Variants in IFT140 observed in about 807,000 individuals in gnomAD.
IFT140 encodes the protein intraflagellar transport 140, also known as intraflagellar transport protein 140 homolog.
In IFT140, 133 loss-of-function variants were observed where a neutral mutation model predicts 164.6. The observed-to-expected ratio is 0.81, with a 90% CI of 0.70 to 0.93. The LOEUF (loss-of-function observed/expected upper bound fraction) is 0.93, where lower values mean the gene tolerates loss of function less well. IFT140 is among the 40% of genes least tolerant of loss of function. IFT140 has a pLI of 0.00. For missense variants in IFT140, 2,045 were observed against 1,972.3 expected, an observed-to-expected ratio of 1.04 and a Z score of -0.70; for synonymous variants, 860 against 817.3, an observed-to-expected ratio of 1.05 and a Z score of -0.89.
At position 1,584,381 on chromosome 16, in the gene IFT140, T is replaced by C; in HGVS notation, c.1195A>G (p.Ile399Val). 1 of 1,612,434 alleles carries C rather than the reference T, an allele frequency of 6.2e-7. No homozygotes were observed. Among genetic ancestry groups the C allele is most frequent in the Non-Finnish European group, 8.5e-7 (1 of 1,179,520 alleles). The change falls in exon 11 of 31, where the codon ATC (isoleucine) becomes GTC (valine). Residue 399 changes from isoleucine to valine, a missense_variant. Ile to Val is a conservative substitution (Grantham distance 29, BLOSUM62 3). Transcript: ENST00000426508. ...RKNLLAVNSV[I>V]SVAILSERAM... is the part of the protein sequence containing the mutation. ...CGCTCGCTGAGGATGGCCACGGAGATGACGCTGTTCACTGCCAGCAGGTTC... is the reference window on the plus strand; with the variant it reads ...CGCTCGCTGAGGATGGCCACGGAGACGACGCTGTTCACTGCCAGCAGGTTC...
chr16:1,602,670 G>C, intron 3 of IFT140, 79 bp from the exon 4 acceptor site: 3 of 1,340,648 alleles, frequency 2.2e-6, no homozygotes, highest in Non-Finnish European at 3.1e-6. Context: ...GGCCGGGCAC[G>C]GCGGCTCACT....
At chr16:1,552,514 A>G (rs957418484) in intron 19 of IFT140, among the ~76,000 whole-genome samples, 5 of 152,126 alleles carry the variant, frequency 3.3e-5, no homozygotes, top group African/African-American at 1.2e-4. Flanking sequence ...CATTTTCCTC[A>G]CACACAACAC....
chr16:1,524,011 G>A (rs2040600476), intron 24 of IFT140, 55 bp from the exon 25 acceptor site: 8 of 1,583,818 alleles, frequency 5.1e-6, no homozygotes, highest in East Asian at 2.2e-5. Context: ...CCCCAGGTCC[G>A]CTGAGATTCT....
At chr16:1,541,487 T>C in intron 19 of IFT140, 1 of 984,970 alleles carries the variant, frequency 1.0e-6, no homozygotes, top group Non-Finnish European at 1.2e-6. Context: ...CCCCGCGGAG[T>C]CTCCGGTCAG....
chr16:1,524,424 A>G (rs1352063472), intron 24 of IFT140, 128 bp downstream of exon 24: 3 of 1,256,046 alleles, frequency 2.4e-6, no homozygotes, highest in Non-Finnish European at 3.3e-6. Context: ...AGACGGGGTG[A>G]GCAGTGAGTG....
In IFT140 at chr16:1,592,608, C is replaced by G. The variant is rs200779129; in HGVS notation, c.370-20G>C. 59 of 1,610,510 alleles carry G rather than the reference C, an allele frequency of 3.7e-5. No homozygotes were observed. The East Asian group carries it at 1.2e-3, about 33-fold the overall frequency. On this transcript the variant is annotated intron_variant, in intron 4 of 30. Transcript: ENST00000426508. ...ACCAAGCTGGAAAGACCCAACACCA[C>G]GTGTTAGGACAGGTGTCCCGGCAGA...
intron 19 of IFT140, among the ~76,000 whole-genome samples, chr16:1,556,533 C>A (rs1307620488): frequency 6.6e-6 from 1 of 152,234 alleles, no homozygotes; most frequent in African/African-American, 2.4e-5. Context: ...CTGCTTCTGG[C>A]CTTCTAGCGA....
chr16:1,522,187 T>A (rs1442445891), intron 26 of IFT140, among the ~76,000 whole-genome samples: 2 of 151,948 alleles, frequency 1.3e-5, no homozygotes, highest in Admixed American at 1.3e-4. Context: ...TGAAACCTCG[T>A]CTCTACTAAA....
chr16:1,602,921 C>T (rs559059303), intron 3 of IFT140, among the ~76,000 whole-genome samples: 1 of 152,168 alleles, frequency 6.6e-6, no homozygotes, highest in South Asian at 2.1e-4. Context: ...GCCTGGGCGA[C>T]AGAGCAAGAC....
At chr16:1,581,569 C>A (rs2034558838) in intron 12 of IFT140, among the ~76,000 whole-genome samples, 2 of 147,582 alleles carry the variant, frequency 1.4e-5, no homozygotes, top group Admixed American at 1.4e-4. Context: ...CACTGCACTC[C>A]AGCCTGGGTG....
intron 3 of IFT140, among the ~76,000 whole-genome samples, chr16:1,605,595 G>A (rs888666805): frequency 1.3e-5 from 2 of 151,936 alleles, no homozygotes; most frequent in African/African-American, 4.8e-5. Flanking sequence ...TAGTGGAGAC[G>A]GGGTTTCACC....
chr16:1,565,004 C>G (rs1266704137), intron 16 of IFT140, among the ~76,000 whole-genome samples: 1 of 152,196 alleles, frequency 6.6e-6, no homozygotes, highest in Non-Finnish European at 1.5e-5. Flanking sequence ...CCCGGGGACA[C>G]AAGCTGGTTC....
At chr16:1,525,446 C>G (rs2040659882) in intron 21 of IFT140, 120 bp from the exon 22 acceptor site, 1 of 753,224 alleles carries the variant, frequency 1.3e-6, no homozygotes, top group African/African-American at 1.8e-5. Flanking sequence ...GGTGTGTGCT[C>G]CTGGCCTGCA....
Position 1,544,809 on chromosome 16 carries a change from T to C in IFT140, c.2399+13126A>G, listed in dbSNP as rs569607119. On this transcript the variant is annotated intron_variant, in intron 19 of 30. Coordinates refer to ENST00000426508, the MANE Select transcript of IFT140 (RefSeq NM_014714.4). ...GACTACAGGCACCCGCCACCACGCC[T>C]GGCTAATTTTTTGTATTTTTAGTAG... 6.9e-4 allele frequency among the ~76,000 whole-genome samples: 99 copies of C among 144,376 alleles called. No individual in the cohort carries two copies. The East Asian group carries it at 0.012, about 18-fold the overall frequency. 94.7% of individuals were successfully genotyped at this position (144,376 alleles called of 152,430 possible). A position where few individuals can be genotyped will look rare whatever the true frequency, so the allele number is the denominator to read the frequency against.
chr16:1,565,011 G>A (rs1045838124), intron 16 of IFT140, among the ~76,000 whole-genome samples: 6 of 152,196 alleles, frequency 3.9e-5, no homozygotes, highest in African/African-American at 1.2e-4. Context: ...ACACAAGCTG[G>A]TTCCCGTGAG....
In IFT140 at chr16:1,510,782, C is replaced by T; in HGVS notation, c.*162G>A. On this transcript the variant is annotated 3_prime_UTR_variant, in exon 31 of 31. Transcript: ENST00000426508. ...CAGAGCAAGGTGCAGACGGGTCACA[C>T]CCTCCGCCGGCCCGGGCCGCTGCGT... 1 of 691,788 alleles carries T rather than the reference C, an allele frequency of 1.4e-6. No individual in the cohort carries two copies. The highest frequency in any genetic ancestry group is 2.5e-6 in the Non-Finnish European group (1 of 398,202). The allele number at this position is 691,788 out of a possible 1,614,324, so 42.9% of individuals were successfully genotyped here.
chr16:1,579,252 C>T (rs976628670), intron 13 of IFT140: 1 of 151,942 alleles, frequency 6.6e-6, no homozygotes, highest in Non-Finnish European at 1.5e-5. Context: ...GCTCTTCATC[C>T]TCATCATCTT....
At position 1,567,445 on chromosome 16, in the gene IFT140, GC is replaced by G. The variant is rs1434605360; in HGVS notation, c.1770+771del. 2.6e-5 allele frequency among the ~76,000 whole-genome samples: 4 copies of G among 151,972 alleles called. No homozygotes were observed. The East Asian group carries it at 7.7e-4, about 29-fold the overall frequency. On this transcript the variant is annotated intron_variant, in intron 15 of 30. Coordinates refer to ENST00000426508, the MANE Select transcript of IFT140 (RefSeq NM_014714.4). ...CACCAGTCCTCACCCGCTCACTCTCGCCCCAACCTTGGCTGGGCTGTCACCC... is the reference window on the plus strand; with the variant it reads ...CACCAGTCCTCACCCGCTCACTCTCGCCCAACCTTGGCTGGGCTGTCACCC...
chr16:1,527,612 C>T (rs1418134884), intron 19 of IFT140, among the ~76,000 whole-genome samples: 1 of 152,208 alleles, frequency 6.6e-6, no homozygotes, highest in Non-Finnish European at 1.5e-5. Flanking sequence ...CCCTCTGTTG[C>T]CTAGGCTGGA....
Sources: allele counts gnomAD v4.1 joint callset (sites outside exome capture counted in the v4.1 genomes callset), GRCh38; gene constraint gnomAD v4.1.1; transcripts MANE v1.5; gene names NCBI Gene and HGNC (gene_info 2026-07-23, HGNC 2026-07-21).